Variants in PAK1 observed in about 807,000 individuals in gnomAD.
PAK1 encodes the protein p21 (RAC1) activated kinase 1.
A neutral mutation model predicts 67.4 loss-of-function variants in PAK1; 29 were observed. The ratio of observed to expected loss-of-function variants is 0.43; its 90% confidence interval spans 0.32 to 0.59. The LOEUF (loss-of-function observed/expected upper bound fraction) is 0.59. Ranked by LOEUF, PAK1 falls within the 20% of genes least tolerant of loss-of-function variation. The pLI is 0.07. For synonymous variants in PAK1, 223 were observed against 237.4 expected, an observed-to-expected ratio of 0.94 and a Z score of 0.56; for missense variants, 337 against 670.7, an observed-to-expected ratio of 0.50 and a Z score of 5.50.
chr11:77,381,040 CACAG>C lies in PAK1; in HGVS notation c.191-1050_191-1047del, dbSNP rs753783806. 7.9e-5 allele frequency among the ~76,000 whole-genome samples: 12 copies of C among 152,194 alleles called. No homozygotes were observed. In the East Asian group the frequency reaches 2.3e-3, roughly 29 times the overall value. ...AGAAATTCTGAAGTTCTAACACCTC[CACAG>C]ACCCAGCAAAACCCTGATAAAAGGT... On this transcript the variant is annotated intron_variant, in intron 2 of 14. Coordinates refer to ENST00000356341, the MANE Select transcript of PAK1 (RefSeq NM_002576.5).
chr11:77,323,024 A>C lies in PAK1; in HGVS notation c.*250T>G. ...TTATTTATATAAACCCTTAATCATA[A>C]ACCACCCTCATATCCATGAATTGGG... On this transcript the variant is annotated 3_prime_UTR_variant, in exon 15 of 15. Transcript: ENST00000356341. 2 of 709,970 alleles carry C rather than the reference A, an allele frequency of 2.8e-6. No homozygotes were observed. Among genetic ancestry groups the C allele is most frequent in the Non-Finnish European group, 5.0e-6 (2 of 403,400 alleles). The allele number at this position is 709,970 out of a possible 1,614,324, so 44.0% of individuals were successfully genotyped here. A position where few individuals can be genotyped will look rare whatever the true frequency, so the allele number is the denominator to read the frequency against.
rs147137750 is a variant in PAK1 at position 77,469,754 on chromosome 11, A to G, written c.-22+3798T>C. 1.6e-4 allele frequency among the ~76,000 whole-genome samples: 24 copies of G among 152,018 alleles called. No individual in the cohort carries two copies. In the East Asian group the frequency reaches 4.1e-3, roughly 26 times the overall value. On this transcript the variant is annotated intron_variant, in intron 1 of 14. Coordinates refer to ENST00000356341, the MANE Select transcript of PAK1 (RefSeq NM_002576.5). Reference sequence around the variant, plus strand: ...AAGGAGCAAACACTGGTGTGGGAGAATGTTTTTAAATTTTTTATTTTCAAG... The same window carrying G: ...AAGGAGCAAACACTGGTGTGGGAGAGTGTTTTTAAATTTTTTATTTTCAAG...
intron 1 of PAK1, among the ~76,000 whole-genome samples, chr11:77,472,479 A>G (rs1477094612): frequency 6.6e-6 from 1 of 152,234 alleles, no homozygotes; most frequent in Non-Finnish European, 1.5e-5. Context: ...GGAATTCTTC[A>G]GTGGACTCTT....
chr11:77,494,130 A>G, the PAK1 span, among the ~76,000 whole-genome samples: 2 of 152,238 alleles, frequency 1.3e-5, no homozygotes, highest in Non-Finnish European at 2.9e-5. Context: ...ATAGGAGTCT[A>G]TCCTACAAAG....
chr11:77,373,739 T>C (rs1948740989), intron 5 of PAK1, among the ~76,000 whole-genome samples: 1 of 152,174 alleles, frequency 6.6e-6, no homozygotes, highest in Non-Finnish European at 1.5e-5. Context: ...CAATTCTTCA[T>C]GATTTCTATA....
intron 1 of PAK1, among the ~76,000 whole-genome samples, chr11:77,471,940 A>G (rs1488592322): frequency 6.6e-6 from 1 of 152,194 alleles, no homozygotes; most frequent in African/African-American, 2.4e-5. Flanking sequence ...GGCCAAGAGA[A>G]GACTTGTAAA....
At chr11:77,396,441 T>A (rs1951840631) in intron 1 of PAK1, among the ~76,000 whole-genome samples, 9 of 152,236 alleles carry the variant, frequency 5.9e-5, no homozygotes, top group Admixed American at 5.9e-4. Context: ...TCTCCCCTGC[T>A]AGACATAGAC....
chr11:77,526,020 C>T, the PAK1 span, among the ~76,000 whole-genome samples: 1 of 152,192 alleles, frequency 6.6e-6, no homozygotes, highest in Admixed American at 6.5e-5. Flanking sequence ...CAGAATCCTG[C>T]TTCACATAAT....
chr11:77,496,021 T>C, the PAK1 span, among the ~76,000 whole-genome samples: 1 of 29,708 alleles, frequency 3.4e-5, no homozygotes, highest in African/African-American at 8.9e-4. Flanking sequence ...ACTGTACACT[T>C]TTTTTTTTTT....
At chr11:77,337,799 C>T (rs1942958465) in intron 11 of PAK1, among the ~76,000 whole-genome samples, 1 of 151,990 alleles carries the variant, frequency 6.6e-6, no homozygotes, top group Admixed American at 6.6e-5. Flanking sequence ...AAATAAGGGT[C>T]ATATTTGAGG....
intron 1 of PAK1, among the ~76,000 whole-genome samples, chr11:77,405,879 T>G (rs138379957): frequency 8.3e-4 from 127 of 152,340 alleles, no homozygotes; most frequent in African/African-American, 3.0e-3. Flanking sequence ...GTCAAGATTA[T>G]CAATTATCCC....
chr11:77,403,749 C>A (rs529355566), intron 1 of PAK1, among the ~76,000 whole-genome samples: 12 of 152,316 alleles, frequency 7.9e-5, no homozygotes, highest in African/African-American at 2.2e-4. Flanking sequence ...GAGAACATTA[C>A]AAAACCCAGT....
chr11:77,504,234 T>C, the PAK1 span, among the ~76,000 whole-genome samples: 2 of 152,180 alleles, frequency 1.3e-5, no homozygotes, highest in Non-Finnish European at 2.9e-5. Context: ...AATTATTAGT[T>C]TGTTAATATA....
At chr11:77,461,999 T>G (rs1957367999) in intron 1 of PAK1, among the ~76,000 whole-genome samples, 1 of 152,014 alleles carries the variant, frequency 6.6e-6, no homozygotes, top group Admixed American at 6.6e-5. Context: ...AGATCCAGAG[T>G]AGCAAAGTAG....
intron 2 of PAK1, among the ~76,000 whole-genome samples, chr11:77,383,288 C>T (rs1950064799): frequency 6.7e-6 from 1 of 150,032 alleles, no homozygotes; most frequent in Non-Finnish European, 1.5e-5. Flanking sequence ...ACGGGGAAAT[C>T]TAGGTGGCAG....
chr11:77,435,254 T>C (rs1475683733), intron 1 of PAK1, among the ~76,000 whole-genome samples: 1 of 152,066 alleles, frequency 6.6e-6, no homozygotes, highest in Non-Finnish European at 1.5e-5. Context: ...CATACACACA[T>C]ACACAACTAT....
At chr11:77,487,271 T>C in the PAK1 span, among the ~76,000 whole-genome samples, 1 of 152,152 alleles carries the variant, frequency 6.6e-6, no homozygotes, top group Non-Finnish European at 1.5e-5. Flanking sequence ...CTGCTGACTA[T>C]ACAGTCCTTG....
intron 13 of PAK1, among the ~76,000 whole-genome samples, chr11:77,333,808 G>A (rs1176076062): frequency 6.6e-6 from 1 of 152,052 alleles, no homozygotes; most frequent in African/African-American, 2.4e-5. Flanking sequence ...AATTAACTCT[G>A]GGTAATAGGG....
intron 10 of PAK1, 49 bp downstream of exon 10, chr11:77,343,769 CA>C (rs1377568724): frequency 1.9e-6 from 2 of 1,072,524 alleles, no homozygotes; most frequent in Non-Finnish European, 2.9e-6. Flanking sequence ...GCTTCACCAC[CA>C]ATCAGTCCCA....
Sources: allele counts gnomAD v4.1 joint callset (sites outside exome capture counted in the v4.1 genomes callset), GRCh38; gene constraint gnomAD v4.1.1; transcripts MANE v1.5; gene names NCBI Gene and HGNC (gene_info 2026-07-23, HGNC 2026-07-21).